The following RANBP9 variants were observed in gnomAD, a reference collection of about 807,000 sequenced individuals.
RANBP9 encodes RAN binding protein 9, also known as ran-binding protein 9.
In RANBP9, 15 loss-of-function variants were observed where a neutral mutation model predicts 84.3. That is an observed-to-expected ratio of 0.18 (90% CI 0.12 to 0.27). The LOEUF (loss-of-function observed/expected upper bound fraction) is 0.27, where lower values mean the gene tolerates loss of function less well. Ranked by LOEUF, RANBP9 falls within the 10% of genes least tolerant of loss-of-function variation. The pLI is 1.00. For missense variants in RANBP9, 809 were observed against 912.8 expected (o/e 0.89, Z 1.46); for synonymous variants, 392 against 349.6 (o/e 1.12, Z -1.35).
At chr6:13,680,536 T>C (rs546874400) in intron 2 of RANBP9, among the ~76,000 whole-genome samples, 183 of 151,102 alleles carry the variant, frequency 1.2e-3, no homozygotes, top group African/African-American at 4.2e-3. Flanking sequence ...AGCCCAGGAG[T>C]TCAAGACAAG....
chr6:13,660,439 G>A (rs1316605503), intron 2 of RANBP9, among the ~76,000 whole-genome samples: 11 of 152,102 alleles, frequency 7.2e-5, no homozygotes, highest in Non-Finnish European at 1.2e-4. Flanking sequence ...ACCCCAGGAG[G>A]TTGAGGCTGC....
In RANBP9 at chr6:13,711,236, A is replaced by AGGCGGGGGCGGCGGCGGGGGC. The variant is rs1758272436; in HGVS notation, c.249_269dup (p.Pro86_Pro92dup). 3.1e-6 allele frequency: 1 copy of AGGCGGGGGCGGCGGCGGGGGC among 326,210 alleles called. No homozygotes were observed. The highest frequency in any genetic ancestry group is 1.7e-4 in the Admixed American group (1 of 6,058). 20.2% of individuals were successfully genotyped at this position (326,210 alleles called of 1,614,324 possible). On this transcript the variant is annotated inframe_insertion, in exon 1 of 14. Coordinates refer to ENST00000011619, the MANE Select transcript of RANBP9 (RefSeq NM_005493.3). ...CGGGGGCAGCCGCTGAGGCAGGGGG[A>AGGCGGGGGCGGCGGCGGGGGC]GGCGGGGGCGGCGGCGGGGGCGGCG...
chr6:13,705,868 CAAA>C (rs767070995), intron 1 of RANBP9, among the ~76,000 whole-genome samples: 6 of 76,750 alleles, frequency 7.8e-5, no homozygotes, highest in East Asian at 4.4e-4. Context: ...GACTCCGTCT[CAAA>C]AAAAAAAAAA....
At chr6:13,679,679 A>G (rs1473553021) in intron 2 of RANBP9, among the ~76,000 whole-genome samples, 1 of 152,208 alleles carries the variant, frequency 6.6e-6, no homozygotes, top group African/African-American at 2.4e-5. Flanking sequence ...AGATTAATAA[A>G]TAAAAAGTAG....
chr6:13,623,954 TATC>T (rs1156780819), intron 13 of RANBP9, among the ~76,000 whole-genome samples: 1 of 152,174 alleles, frequency 6.6e-6, no homozygotes, highest in Admixed American at 6.6e-5. Context: ...TAAAGATTAG[TATC>T]ATCTAATAAT....
In RANBP9 at chr6:13,632,393, T is replaced by A; in HGVS notation, c.1924A>T (p.Thr642Ser). 1 of 1,610,020 alleles carries A rather than the reference T, an allele frequency of 6.2e-7. No individual in the cohort carries two copies. Among genetic ancestry groups the A allele is most frequent in the East Asian group, 2.2e-5 (1 of 44,824 alleles). ...ACCTTCAACATTTTTTTGTTTGCAG[T>A]GTTCTTGCCACAGTCTCTCCTTAGC... ...EQLRRDCGKN[T>S]ANKKMLKDAF... Residue 642 changes from threonine (T) to serine (S), a missense_variant, in exon 12 of 14, where the codon ACT (threonine) becomes TCT (serine). Coordinates refer to ENST00000011619, the MANE Select transcript of RANBP9 (RefSeq NM_005493.3).
At chr6:13,693,244 G>A (rs1766368584) in intron 2 of RANBP9, among the ~76,000 whole-genome samples, 1 of 152,210 alleles carries the variant, frequency 6.6e-6, no homozygotes, top group African/African-American at 2.4e-5. Context: ...AAGCCAGCAT[G>A]CGTAGTCAGA....
At chr6:13,678,171 G>T (rs939192779) in intron 2 of RANBP9, among the ~76,000 whole-genome samples, 1 of 152,004 alleles carries the variant, frequency 6.6e-6, no homozygotes, top group East Asian at 1.9e-4. Flanking sequence ...TTTCAATCAG[G>T]TTACATACTT....
rs908673196 is a variant in RANBP9, at chr6:13,657,260, T to C, written c.753A>G (p.Ser251=). The C allele has an allele frequency of 1.2e-6, 2 of 1,612,432 alleles. No individual in the cohort carries two copies. The highest frequency in any genetic ancestry group is 1.7e-5 in the Admixed American group (1 of 59,870). ...GTCCATCATCCCCATGGTAACCATA[T>C]GAATGCTTATCCCAACCTAAGGAGA... The part of the protein sequence containing the change: ...MNRLPGWDKH[S]YGYHGDDGHS... The change falls in exon 4 of 14, where the codon TCA becomes TCG. Residue 251 remains serine, a synonymous_variant. Transcript: ENST00000011619.
chr6:13,707,302 A>G (rs1758153008), intron 1 of RANBP9, among the ~76,000 whole-genome samples: 1 of 152,184 alleles, frequency 6.6e-6, no homozygotes. Flanking sequence ...TACAGGCGTA[A>G]GCCACCACAC....
At chr6:13,638,026 C>T in intron 9 of RANBP9, 71 bp from the exon 10 acceptor site, 1 of 1,392,026 alleles carries the variant, frequency 7.2e-7, no homozygotes. Flanking sequence ...AACAAGTCTC[C>T]ATGTTGATTT....
At chr6:13,640,321 AT>A (rs1381422716) in intron 8 of RANBP9, among the ~76,000 whole-genome samples, 1 of 152,194 alleles carries the variant, frequency 6.6e-6, no homozygotes. Flanking sequence ...CATAAAACCA[AT>A]TAAAATTGTC....
intron 2 of RANBP9, among the ~76,000 whole-genome samples, chr6:13,680,257 A>T (rs1193749937): frequency 6.6e-6 from 1 of 152,212 alleles, no homozygotes; most frequent in Non-Finnish European, 1.5e-5. Context: ...GAAAACCATC[A>T]TACGAAAAAA....
chr6:13,655,324 T>C (rs775278388), intron 4 of RANBP9, among the ~76,000 whole-genome samples: 15 of 152,022 alleles, frequency 9.9e-5, no homozygotes, highest in Non-Finnish European at 2.1e-4. Flanking sequence ...ATACAAAAAT[T>C]AGCTGGGGGT....
At chr6:13,706,495 C>A (rs1414077219) in intron 1 of RANBP9, among the ~76,000 whole-genome samples, 1 of 149,828 alleles carries the variant, frequency 6.7e-6, no homozygotes, top group Admixed American at 6.6e-5. Flanking sequence ...GAGATCGAGA[C>A]CATCCTGGCC....
At position 13,711,551 on chromosome 6, in the gene RANBP9, T is replaced by C. The variant is rs1315044820; in HGVS notation, c.-46A>G. ...CGGCCACCTCCACCTCTTCTCTCCT[T>C]CCTCCTCTGCTTCCCGGGGGCGCTG... On this transcript the variant is annotated 5_prime_UTR_variant, in exon 1 of 14. Coordinates refer to ENST00000011619, the MANE Select transcript of RANBP9 (RefSeq NM_005493.3). The C allele has an allele frequency of 2.4e-6, 3 of 1,234,360 alleles. No homozygotes were observed. The highest frequency in any genetic ancestry group is 3.1e-6 in the Non-Finnish European group (3 of 982,812). The allele number at this position is 1,234,360 out of a possible 1,614,324, so 76.5% of individuals were successfully genotyped here.
At chr6:13,680,384 A>G (rs901104262) in intron 2 of RANBP9, among the ~76,000 whole-genome samples, 1 of 152,162 alleles carries the variant, frequency 6.6e-6, no homozygotes, top group African/African-American at 2.4e-5. Context: ...TAACAGGCAA[A>G]TGACCAAATT....
chr6:13,622,315 T>C lies in RANBP9; in HGVS notation c.*47A>G, dbSNP rs1409011248. 3 of 1,430,836 alleles carry C rather than the reference T, an allele frequency of 2.1e-6. No homozygotes were observed. The highest frequency in any genetic ancestry group is 2.9e-5 in the African/African-American group (2 of 69,446). The allele number at this position is 1,430,836 out of a possible 1,614,324, so 88.6% of individuals were successfully genotyped here. On this transcript the variant is annotated 3_prime_UTR_variant, in exon 14 of 14. Transcript: ENST00000011619. Reference sequence around the variant, plus strand: ...AATCAGCAGAGCTGGTCTACTTCCATGTTGACTATATGCCACAATATAAGT... The same window carrying C: ...AATCAGCAGAGCTGGTCTACTTCCACGTTGACTATATGCCACAATATAAGT...
intron 10 of RANBP9, among the ~76,000 whole-genome samples, chr6:13,635,029 T>G (rs971903394): frequency 6.6e-6 from 1 of 152,106 alleles, no homozygotes; most frequent in African/African-American, 2.4e-5. Flanking sequence ...TCATACTCAA[T>G]CCACTCCTAG....
Sources: allele counts gnomAD v4.1 joint callset (sites outside exome capture counted in the v4.1 genomes callset), GRCh38; gene constraint gnomAD v4.1.1; transcripts MANE v1.5; gene names NCBI Gene and HGNC (gene_info 2026-07-23, HGNC 2026-07-21).